The following NUDCD3 variants were observed in gnomAD, a reference collection of about 807,000 sequenced individuals.
The protein encoded by NUDCD3 is NudC domain containing 3.
A neutral mutation model predicts 39.7 loss-of-function variants in NUDCD3; 13 were observed. That is an observed-to-expected ratio of 0.33 (90% CI 0.21 to 0.52). The LOEUF (loss-of-function observed/expected upper bound fraction) is 0.52. NUDCD3 is among the 20% of genes least tolerant of loss of function. The probability of loss-of-function intolerance (pLI) is 0.96; values close to 1 mark genes in which losing one functional copy is unlikely to be tolerated. For synonymous variants in NUDCD3, 175 were observed against 172.4 expected (o/e 1.02, Z -0.12); for missense variants, 453 against 458.1 (o/e 0.99, Z 0.10).
At chr7:44,442,424 G>A (rs1799603315) in intron 2 of NUDCD3, among the ~76,000 whole-genome samples, 1 of 152,182 alleles carries the variant, frequency 6.6e-6, no homozygotes, top group Non-Finnish European at 1.5e-5. Context: ...GCACCAGCAT[G>A]GAGACTGCAG....
Position 44,415,256 on chromosome 7 carries a change from C to T in NUDCD3, c.643-10673G>A, listed in dbSNP as rs866477418. 2.0e-5 allele frequency among the ~76,000 whole-genome samples: 3 copies of T among 152,104 alleles called. No individual in the cohort carries two copies. In the South Asian group the frequency reaches 6.2e-4, roughly 32 times the overall value. On this transcript the variant is annotated intron_variant, in intron 3 of 5. Coordinates refer to ENST00000355451, the MANE Select transcript of NUDCD3 (RefSeq NM_015332.4). Reference sequence around the variant, plus strand: ...AATGAAATGCCAGGTTTATAATCACCCAGGTCTGACATGAGCAATCACAAA... The same window carrying T: ...AATGAAATGCCAGGTTTATAATCACTCAGGTCTGACATGAGCAATCACAAA...
chr7:44,411,903 G>A (rs913200206), intron 3 of NUDCD3, among the ~76,000 whole-genome samples: 3 of 152,220 alleles, frequency 2.0e-5, no homozygotes, highest in Non-Finnish European at 2.9e-5. Flanking sequence ...GCACAGTGGG[G>A]AAATACAGAG....
At chr7:44,443,399 TTTTTC>T (rs895634956) in intron 2 of NUDCD3, among the ~76,000 whole-genome samples, 1 of 151,948 alleles carries the variant, frequency 6.6e-6, no homozygotes, top group African/African-American at 2.4e-5. Context: ...GAAATCTTTT[TTTTTC>T]TTTTCTTTTT....
chr7:44,402,274 A>C (rs966560368), intron 4 of NUDCD3, among the ~76,000 whole-genome samples: 1 of 152,194 alleles, frequency 6.6e-6, no homozygotes, highest in Non-Finnish European at 1.5e-5. Context: ...TGGCCCAAAG[A>C]CTGTGTTCAT....
chr7:44,413,185 T>A (rs1367653105), intron 3 of NUDCD3: 1 of 152,112 alleles, frequency 6.6e-6, no homozygotes, highest in Non-Finnish European at 1.5e-5. Context: ...GCATGGCAGC[T>A]CATACCTGTA....
At chr7:44,391,626 G>A (rs573612026) in intron 5 of NUDCD3, among the ~76,000 whole-genome samples, 25 of 152,254 alleles carry the variant, frequency 1.6e-4, no homozygotes, top group African/African-American at 4.1e-4. Context: ...GCTGTACTGC[G>A]GCCCAAACCC....
At chr7:44,458,936 C>CTGTGTGTGTG (rs55947411) in intron 2 of NUDCD3, among the ~76,000 whole-genome samples, 5,147 of 115,542 alleles carry the variant, frequency 0.045, 119 homozygotes, top group East Asian at 0.054. Context: ...ACGGGGAGTG[C>CTGTGTGTGTG]TGTGTGTGTG....
At chr7:44,438,187 C>T (rs984824284) in intron 2 of NUDCD3, among the ~76,000 whole-genome samples, 3 of 152,088 alleles carry the variant, frequency 2.0e-5, no homozygotes, top group Non-Finnish European at 4.4e-5. Context: ...GAGAGACCCC[C>T]CCATCTCTTA....
At chr7:44,444,595 AC>A (rs1292714084) in intron 2 of NUDCD3, among the ~76,000 whole-genome samples, 1 of 152,222 alleles carries the variant, frequency 6.6e-6, no homozygotes, top group Non-Finnish European at 1.5e-5. Flanking sequence ...AAACTCCTCT[AC>A]AAATTGAATA....
chr7:44,405,313 G>A (rs1207753703), intron 3 of NUDCD3, among the ~76,000 whole-genome samples: 1 of 152,174 alleles, frequency 6.6e-6, no homozygotes, highest in African/African-American at 2.4e-5. Flanking sequence ...ACCGCCCTAG[G>A]AACACCTATC....
Position 44,380,849 on chromosome 7 carries a change from T to C in NUDCD3, c.*5162A>G, listed in dbSNP as rs1392352188. On this transcript the variant is annotated 3_prime_UTR_variant, in exon 6 of 6. Transcript: ENST00000355451. The stretch of plus-strand genomic sequence containing the variant: ...GAGGGGCCTCCTCCAAACCCCACAG[T>C]GCCCCAACAACACTTCCTGTCCTCT... 6.6e-6 allele frequency: 1 copy of C among 152,260 alleles called. No homozygotes were observed. The highest frequency in any genetic ancestry group is 6.5e-5 in the Admixed American group (1 of 15,290). The allele number at this position is 152,260 out of a possible 1,614,324, so 9.4% of individuals were successfully genotyped here.
chr7:44,480,779 A>G (rs1800473183), intron 2 of NUDCD3, among the ~76,000 whole-genome samples: 1 of 151,644 alleles, frequency 6.6e-6, no homozygotes, highest in Non-Finnish European at 1.5e-5. Context: ...CTATCTCTAC[A>G]AAAAATACAA....
At chr7:44,467,267 G>A (rs904893206) in intron 2 of NUDCD3, among the ~76,000 whole-genome samples, 5 of 152,138 alleles carry the variant, frequency 3.3e-5, no homozygotes, top group Admixed American at 2.0e-4. Context: ...CACAGAGATC[G>A]GTGTGAAATT....
intron 2 of NUDCD3, among the ~76,000 whole-genome samples, chr7:44,443,801 G>A (rs1389305628): frequency 6.6e-6 from 1 of 152,228 alleles, no homozygotes; most frequent in Non-Finnish European, 1.5e-5. Context: ...GGTGCTGCTC[G>A]GGATAGTGGA....
rs1420725699 is a variant in NUDCD3 at position 44,404,480 on chromosome 7, T to C, written c.746A>G (p.Glu249Gly). Residue 249 changes from glutamate to glycine, a missense_variant, in exon 4 of 6, where the codon GAG (glutamate) becomes GGG (glycine). Transcript: ENST00000355451. Reference sequence around the variant, plus strand: ...GGGCTCGAGACTCCAGAGAGAACTCTCAGTGTTGATCTTGTGGGTGAGCTT... The same window carrying C: ...GGGCTCGAGACTCCAGAGAGAACTCCCAGTGTTGATCTTGTGGGTGAGCTT... ...EGKLTHKINT[E>G]SSLWSLEPGK... The C allele has an allele frequency of 1.2e-6, 2 of 1,613,954 alleles. No individual in the cohort carries two copies. Among genetic ancestry groups the C allele is most frequent in the African/African-American group, 2.7e-5 (2 of 74,884 alleles).
intron 3 of NUDCD3, among the ~76,000 whole-genome samples, chr7:44,407,154 G>A (rs1007284148): frequency 1.3e-5 from 2 of 151,856 alleles, no homozygotes; most frequent in Non-Finnish European, 2.9e-5. Context: ...AAAGCTGACT[G>A]GTCAATCCAC....
At chr7:44,406,200 TA>T (rs1563167322) in intron 3 of NUDCD3, among the ~76,000 whole-genome samples, 1 of 152,226 alleles carries the variant, frequency 6.6e-6, no homozygotes, top group East Asian at 1.9e-4. Context: ...GATATTCTGC[TA>T]ACCACAGGCG....
chr7:44,483,897 A>T (rs1186243785), intron 2 of NUDCD3, among the ~76,000 whole-genome samples: 1 of 152,196 alleles, frequency 6.6e-6, no homozygotes, highest in East Asian at 1.9e-4. Flanking sequence ...GGTCCCAGCT[A>T]CTCAGGAGGC....
intron 2 of NUDCD3, among the ~76,000 whole-genome samples, chr7:44,439,532 G>A (rs1799535325): frequency 6.6e-6 from 1 of 151,542 alleles, no homozygotes; most frequent in African/African-American, 2.4e-5. Flanking sequence ...TTCTAGGACT[G>A]GAACAGAGAA....
Sources: gnomAD v4.1 joint callset for allele counts (sites outside exome capture counted in the v4.1 genomes callset) on GRCh38, gnomAD v4.1.1 for gene constraint, MANE v1.5 for transcripts, NCBI Gene and HGNC (gene_info 2026-07-23, HGNC 2026-07-21) for gene names.